The following ARFGEF3 variants were observed in gnomAD, a reference collection of about 807,000 sequenced individuals.
The protein encoded by ARFGEF3 is ARFGEF family member 3.
In ARFGEF3, 96 loss-of-function variants were observed where a neutral mutation model predicts 221.7. That is an observed-to-expected ratio of 0.43 (90% CI 0.37 to 0.51). The LOEUF is 0.51. Ranked by LOEUF, ARFGEF3 falls within the 20% of genes least tolerant of loss-of-function variation. The pLI, the probability that ARFGEF3 is intolerant of heterozygous loss-of-function variation, is 0.00. For missense variants in ARFGEF3, 2,410 were observed against 2,789.9 expected (o/e 0.86, Z 3.07); for synonymous variants, 1,145 against 1,126.8 (o/e 1.02, Z -0.32).
At chr6:138,231,028 C>G (rs1486362514) in intron 5 of ARFGEF3, among the ~76,000 whole-genome samples, 1 of 152,102 alleles carries the variant, frequency 6.6e-6, no homozygotes, top group Admixed American at 6.5e-5. Context: ...GCCACTGCCC[C>G]TGCTGATGGA....
intron 31 of ARFGEF3, among the ~76,000 whole-genome samples, chr6:138,326,022 A>AATTTTTGC (rs746169853): frequency 1.3e-5 from 2 of 151,976 alleles, no homozygotes; most frequent in African/African-American, 4.8e-5. Flanking sequence ...ACACCCAGCT[A>AATTTTTGC]ATTTTTGCAT....
chr6:138,253,096 A>T (rs1418533900), intron 8 of ARFGEF3, among the ~76,000 whole-genome samples: 1 of 152,246 alleles, frequency 6.6e-6, no homozygotes, highest in East Asian at 1.9e-4. Context: ...ACCAATGAAA[A>T]GATAATGTGG....
intron 4 of ARFGEF3, among the ~76,000 whole-genome samples, chr6:138,227,044 T>G (rs74467750): frequency 1.6e-4 from 19 of 118,880 alleles, no homozygotes; most frequent in African/African-American, 5.4e-4. Context: ...GTTGATTTTG[T>G]TTTTTTTTTT....
chr6:138,223,166 A>AC (rs1778013076), intron 4 of ARFGEF3, among the ~76,000 whole-genome samples: 1 of 152,176 alleles, frequency 6.6e-6, no homozygotes. Context: ...CACACCCTTC[A>AC]CCCCATAGAA....
chr6:138,195,763 T>C (rs1012025753), intron 2 of ARFGEF3, among the ~76,000 whole-genome samples: 2 of 152,150 alleles, frequency 1.3e-5, no homozygotes, highest in Non-Finnish European at 2.9e-5. Flanking sequence ...CATACCAATA[T>C]TTTAATTTCT....
intron 32 of ARFGEF3, among the ~76,000 whole-genome samples, chr6:138,329,658 T>C (rs1780188571): frequency 6.6e-6 from 1 of 152,180 alleles, no homozygotes; most frequent in Non-Finnish European, 1.5e-5. Flanking sequence ...AGTGAGACTC[T>C]GTCTCAAAAA....
intron 14 of ARFGEF3, among the ~76,000 whole-genome samples, chr6:138,284,982 AG>A (rs1779260836): frequency 6.6e-6 from 1 of 152,222 alleles, no homozygotes; most frequent in Non-Finnish European, 1.5e-5. Context: ...GTGCAATAAA[AG>A]TATGCTATTA....
At position 138,334,418 on chromosome 6, in the gene ARFGEF3, G is replaced by A. The variant is rs764923414; in HGVS notation, c.5572G>A (p.Glu1858Lys). 6.2e-7 allele frequency: 1 copy of A among 1,612,222 alleles called. No homozygotes were observed. Among genetic ancestry groups the A allele is most frequent in the Non-Finnish European group, 8.5e-7 (1 of 1,179,218 alleles). The part of the protein sequence containing the change: ...STDSSQQCSS[E>K]DEDIFEETAQ... ...GGATTCTTCCCAGCAGTGTTCATCT[G>A]AGGATGAAGACATCTTTGAGGAAAC... is the stretch of plus-strand genomic sequence containing the variant. The change falls in exon 33 of 34, where the codon GAG becomes AAG. Residue 1858 changes from glutamate to lysine, a missense_variant. This residue lies in a region of ARFGEF3 where 723 missense variants were observed against 991.9 expected (regional missense o/e 0.73). Coordinates refer to ENST00000251691, the MANE Select transcript of ARFGEF3 (RefSeq NM_020340.5). The surrounding 1 kb of genome is among the most constrained non-coding windows in gnomAD (Gnocchi z 5.1).
intron 20 of ARFGEF3, among the ~76,000 whole-genome samples, chr6:138,296,069 G>A (rs751214280): frequency 9.2e-5 from 14 of 152,194 alleles, no homozygotes; most frequent in Admixed American, 3.3e-4. Context: ...GGCAAACCCC[G>A]CCCCCCATAG....
At chr6:138,284,223 T>G (rs1779245949) in intron 14 of ARFGEF3, among the ~76,000 whole-genome samples, 1 of 152,154 alleles carries the variant, frequency 6.6e-6, no homozygotes. Flanking sequence ...GAGAATCGCT[T>G]GAACCTGGGA....
chr6:138,288,964 T>A (rs879297200), intron 17 of ARFGEF3, among the ~76,000 whole-genome samples: 4 of 152,178 alleles, frequency 2.6e-5, no homozygotes, highest in Non-Finnish European at 5.9e-5. Flanking sequence ...AATTTTTTTT[T>A]TCTTTTGAGA....
chr6:138,260,576 G>C (rs545724757), intron 10 of ARFGEF3, among the ~76,000 whole-genome samples: 41 of 152,090 alleles, frequency 2.7e-4, no homozygotes, highest in African/African-American at 9.9e-4. Context: ...GTATTAAAAA[G>C]CAGAAAGCCT....
At position 138,231,332 on chromosome 6, in the gene ARFGEF3, C is replaced by A. The variant is rs530674086; in HGVS notation, c.420+1480C>A. ...GAAAGGAAAAACAACAACAACAGAT[C>A]ATAGCCAAAGAACAATATAATGATA... is the stretch of plus-strand genomic sequence containing the variant. On this transcript the variant is annotated intron_variant, in intron 5 of 33. Transcript: ENST00000251691. 5.3e-5 allele frequency among the ~76,000 whole-genome samples: 8 copies of A among 152,186 alleles called. No individual in the cohort carries two copies. The South Asian group carries it at 1.7e-3, about 32-fold the overall frequency.
chr6:138,215,324 G>A (rs1041138141), intron 4 of ARFGEF3, among the ~76,000 whole-genome samples: 1 of 152,160 alleles, frequency 6.6e-6, no homozygotes, highest in Non-Finnish European at 1.5e-5. Context: ...AGGGCAGGCT[G>A]GCTTTGGCGA....
At chr6:138,226,304 A>G (rs1400158249) in intron 4 of ARFGEF3, among the ~76,000 whole-genome samples, 2 of 152,248 alleles carry the variant, frequency 1.3e-5, no homozygotes, top group Non-Finnish European at 2.9e-5. Context: ...CTTGCAATAA[A>G]TCAGCTTTGC....
intron 10 of ARFGEF3, 34 bp from the exon 11 acceptor site, chr6:138,261,493 A>T (rs1778792729): frequency 7.4e-7 from 1 of 1,345,236 alleles, no homozygotes; most frequent in Admixed American, 2.5e-5. Context: ...TGTGATATTC[A>T]CTTTTCTGTT....
Position 138,335,088 on chromosome 6 carries a change from G to A in ARFGEF3, c.6242G>A (p.Ser2081Asn). Residue 2081 changes from serine (S) to asparagine (N), a missense_variant, in exon 33 of 34, where the codon AGC becomes AAC. By Grantham distance (46) the Ser-to-Asn change is conservative. Transcript: ENST00000251691. ...CAAGGGCAAATGCGGCATTCCTTCA[G>A]CGCAGGCCCCGAGCTGCTGCGACAG... ...MDQGQMRHSF[S>N]AGPELLRQDK... The A allele has an allele frequency of 6.2e-7, 1 of 1,600,876 alleles. No individual in the cohort carries two copies. Among genetic ancestry groups the A allele is most frequent in the South Asian group, 1.1e-5 (1 of 88,170 alleles).
intron 2 of ARFGEF3, among the ~76,000 whole-genome samples, chr6:138,176,528 T>C (rs1019068968): frequency 6.6e-6 from 1 of 152,202 alleles, no homozygotes; most frequent in Non-Finnish European, 1.5e-5. Context: ...ATATTTTAAG[T>C]GGAGCATTTA....
intron 24 of ARFGEF3, 111 bp from the exon 25 acceptor site, chr6:138,311,296 T>C: frequency 1.5e-6 from 1 of 650,962 alleles, no homozygotes; most frequent in South Asian, 2.0e-5. Context: ...TCTCCCACTC[T>C]CTTTTAATAG....
Sources: allele counts gnomAD v4.1 joint callset (sites outside exome capture counted in the v4.1 genomes callset), GRCh38; gene constraint gnomAD v4.1.1; regional missense constraint gnomAD v4.1.1; non-coding constraint Gnocchi (gnomAD v3.1); transcripts MANE v1.5; gene names NCBI Gene and HGNC (gene_info 2026-07-23, HGNC 2026-07-21).